LPP: variants seen among roughly 807,000 people sequenced by gnomAD.
The protein encoded by LPP is LIM domain containing preferred translocation partner in lipoma.
Under a neutral mutation model 60.4 loss-of-function variants are expected in LPP, and 38 were observed. The observed-to-expected ratio is 0.63, with a 90% CI of 0.49 to 0.83. The LOEUF (loss-of-function observed/expected upper bound fraction) is 0.83. Among genes scored for constraint, LPP ranks in the 40% least tolerant of loss-of-function variants. LPP has a pLI of 0.00. For missense variants in LPP, 902 were observed against 783.6 expected (o/e 1.15, Z -1.80); for synonymous variants, 328 against 290.8 (o/e 1.13, Z -1.30).
At chr3:188,460,116 C>T (rs1031606102) in intron 4 of LPP, among the ~76,000 whole-genome samples, 1 of 152,122 alleles carries the variant, frequency 6.6e-6, no homozygotes, top group African/African-American at 2.4e-5. Flanking sequence ...AAAACAACAG[C>T]CTTATTGATT....
At chr3:188,474,334 T>A (rs144183978) in intron 4 of LPP, among the ~76,000 whole-genome samples, 7 of 145,168 alleles carry the variant, frequency 4.8e-5, no homozygotes, top group Non-Finnish European at 9.4e-5. Flanking sequence ...GAATATTGGC[T>A]GTAATAGAGC....
At chr3:188,432,060 C>T (rs535840328) in intron 4 of LPP, among the ~76,000 whole-genome samples, 8 of 152,016 alleles carry the variant, frequency 5.3e-5, no homozygotes, top group Non-Finnish European at 1.2e-4. Context: ...TAATTTGTTC[C>T]TGCTGTATGC....
chr3:188,443,827 A>G (rs1353901460), intron 4 of LPP, among the ~76,000 whole-genome samples: 1 of 152,232 alleles, frequency 6.6e-6, no homozygotes, highest in Non-Finnish European at 1.5e-5. Flanking sequence ...TTGAATTTGC[A>G]GCTTAATATT....
chr3:188,616,496 G>C (rs1844876385), intron 7 of LPP, among the ~76,000 whole-genome samples: 1 of 152,138 alleles, frequency 6.6e-6, no homozygotes, highest in Non-Finnish European at 1.5e-5. Context: ...TAGCCTTGTA[G>C]TATAGTTTGA....
At chr3:188,423,520 C>G (rs993271669) in intron 4 of LPP, among the ~76,000 whole-genome samples, 3 of 152,206 alleles carry the variant, frequency 2.0e-5, no homozygotes, top group East Asian at 1.9e-4. Flanking sequence ...GGAATCGCCA[C>G]ACTCTCGTCC....
chr3:188,733,489 C>T (rs1424387769), intron 8 of LPP, among the ~76,000 whole-genome samples: 3 of 152,188 alleles, frequency 2.0e-5, no homozygotes, highest in Admixed American at 1.3e-4. Context: ...CCTTCTCTAA[C>T]ATGGTACTCT....
At chr3:188,298,193 T>TA (rs2081946642) in intron 2 of LPP, among the ~76,000 whole-genome samples, 1 of 152,214 alleles carries the variant, frequency 6.6e-6, no homozygotes, top group Non-Finnish European at 1.5e-5. Context: ...GAGCTCCTGA[T>TA]ACGATCCTAA....
intron 1 of LPP, among the ~76,000 whole-genome samples, chr3:188,159,852 G>T (rs1392304651): frequency 1.3e-5 from 2 of 152,272 alleles, no homozygotes; most frequent in East Asian, 3.9e-4. Context: ...ACACAGACAG[G>T]TGGTCTGGAA....
intron 2 of LPP, among the ~76,000 whole-genome samples, chr3:188,272,261 T>C (rs1738009658): frequency 6.6e-6 from 1 of 152,234 alleles, no homozygotes; most frequent in Non-Finnish European, 1.5e-5. Flanking sequence ...GAATTTAATA[T>C]ATTTCCAGAT....
chr3:188,377,583 T>G (rs1775526393), intron 3 of LPP, among the ~76,000 whole-genome samples: 1 of 152,204 alleles, frequency 6.6e-6, no homozygotes, highest in African/African-American at 2.4e-5. Flanking sequence ...TTCTCTGCAT[T>G]GGTTATTCTA....
intron 4 of LPP, among the ~76,000 whole-genome samples, chr3:188,430,641 C>G (rs946441104): frequency 1.3e-5 from 2 of 152,188 alleles, no homozygotes; most frequent in Non-Finnish European, 1.5e-5. Flanking sequence ...GTAATAGATG[C>G]AGATGACTGA....
At chr3:188,361,815 AT>A (rs1160531441) in intron 3 of LPP, among the ~76,000 whole-genome samples, 4 of 152,028 alleles carry the variant, frequency 2.6e-5, no homozygotes, top group African/African-American at 9.7e-5. Flanking sequence ...TGATTTGCCC[AT>A]TTTGGCTTCC....
At chr3:188,245,575 A>T (rs1726629074) in intron 2 of LPP, among the ~76,000 whole-genome samples, 1 of 152,158 alleles carries the variant, frequency 6.6e-6, no homozygotes, top group South Asian at 2.1e-4. Flanking sequence ...ACCTTATATG[A>T]TAATGTCACC....
intron 8 of LPP, among the ~76,000 whole-genome samples, chr3:188,745,956 T>C (rs1289141222): frequency 6.6e-6 from 1 of 152,194 alleles, no homozygotes; most frequent in East Asian, 1.9e-4. Context: ...GACCCATGTC[T>C]TCTGACTCTC....
At chr3:188,739,618 A>C (rs530625014) in intron 8 of LPP, among the ~76,000 whole-genome samples, 9 of 152,228 alleles carry the variant, frequency 5.9e-5, no homozygotes, top group African/African-American at 2.2e-4. Context: ...AGGGGTTATA[A>C]GATAAATCTA....
chr3:188,211,618 C>A lies in LPP; in HGVS notation c.-189-13787C>A, dbSNP rs573932639. 3.3e-5 allele frequency among the ~76,000 whole-genome samples: 5 copies of A among 152,246 alleles called. No individual in the cohort carries two copies. In the South Asian group the frequency reaches 8.3e-4, roughly 25 times the overall value. On this transcript the variant is annotated intron_variant, in intron 1 of 11. Transcript: ENST00000617246. ...CTGCTCCAACTTAGTCATCACAGAA[C>A]CTTAGGGTTGGAATCCATGTTACAA...
chr3:188,611,828 T>C (rs1443233879), intron 7 of LPP, among the ~76,000 whole-genome samples: 3 of 152,174 alleles, frequency 2.0e-5, no homozygotes. Context: ...CCAGCCTCTC[T>C]TCAGCATTTG....
chr3:188,741,233 TC>T (rs1289952024), intron 8 of LPP, among the ~76,000 whole-genome samples: 15 of 151,884 alleles, frequency 9.9e-5, no homozygotes, highest in African/African-American at 3.6e-4. Flanking sequence ...GTTCAAAGTT[TC>T]CTTTGAATTG....
intron 9 of LPP, among the ~76,000 whole-genome samples, chr3:188,843,863 G>A (rs529952494): frequency 6.6e-6 from 1 of 151,570 alleles, no homozygotes; most frequent in South Asian, 2.1e-4. Context: ...GCATTTCTGT[G>A]AGGAAGTATC....
Sources: allele counts gnomAD v4.1 joint callset (sites outside exome capture counted in the v4.1 genomes callset), GRCh38; gene constraint gnomAD v4.1.1; transcripts MANE v1.5; gene names NCBI Gene and HGNC (gene_info 2026-07-23, HGNC 2026-07-21).